Variants in OTOF observed in about 807,000 individuals in gnomAD.
The protein encoded by OTOF is fer-1-like family member 2.
OTOF carries 218 observed loss-of-function variants against 236.8 expected under a neutral mutation model. The ratio of observed to expected loss-of-function variants is 0.92; its 90% CI spans 0.82 to 1.03. The LOEUF (loss-of-function observed/expected upper bound fraction) is 1.03. Ranked by LOEUF, OTOF falls within the 50% of genes least tolerant of loss-of-function variation. The probability of loss-of-function intolerance (pLI) is 0.00; values close to 1 mark genes in which losing one functional copy is unlikely to be tolerated. For synonymous variants in OTOF, 1,041 were observed against 1,072.5 expected (o/e 0.97, Z 0.57); for missense variants, 2,590 against 2,694.4 (o/e 0.96, Z 0.86).
At chr2:26,553,427 G>C (rs955058083) in intron 1 of OTOF, among the ~76,000 whole-genome samples, 15 of 152,092 alleles carry the variant, frequency 9.9e-5, no homozygotes, top group African/African-American at 3.4e-4. Context: ...TCCTCCTCCT[G>C]CTCCTTTTCC....
At chr2:26,548,895 T>C (rs1483552422) in intron 1 of OTOF, among the ~76,000 whole-genome samples, 1 of 152,206 alleles carries the variant, frequency 6.6e-6, no homozygotes, top group African/African-American at 2.4e-5. Flanking sequence ...GATGCCTGAC[T>C]GTAAATGAGG....
At chr2:26,503,994 C>T (rs1666185542) in intron 5 of OTOF, 149 bp from the exon 6 acceptor site, 1 of 718,108 alleles carries the variant, frequency 1.4e-6, no homozygotes, top group South Asian at 1.6e-5. Flanking sequence ...AGATCGGGAT[C>T]TGTCTTCCCA....
At chr2:26,529,949 C>T (rs1666903754) in intron 2 of OTOF, among the ~76,000 whole-genome samples, 1 of 152,158 alleles carries the variant, frequency 6.6e-6, no homozygotes, top group African/African-American at 2.4e-5. Context: ...CTTCTGGATG[C>T]CTCTGGCAGC....
intron 14 of OTOF, 123 bp downstream of exon 14, chr2:26,482,283 A>C: frequency 1.1e-6 from 1 of 949,570 alleles, no homozygotes; most frequent in South Asian, 1.4e-5. Flanking sequence ...AAGGCCCTGG[A>C]AGCACCTGTG....
At position 26,480,884 on chromosome 2, in the gene OTOF, G is replaced by A; in HGVS notation, c.1705C>T (p.Leu569Phe). The A allele has an allele frequency of 6.2e-7, 1 of 1,613,030 alleles. No individual in the cohort carries two copies. Among genetic ancestry groups the A allele is most frequent in the Non-Finnish European group, 8.5e-7 (1 of 1,179,994 alleles). Residue 569 changes from leucine (L) to phenylalanine (F), a missense_variant, in exon 15 of 47, where the codon CTC becomes TTC. By Grantham distance (22) the Leu-to-Phe change is conservative (BLOSUM62 0). Transcript: ENST00000272371. ...ATCTCCACAGCCAGGCCCAGCAGGA[G>A]CCGGGCCCGGAAGGACACACCCTCC... ...LGEGVSFRAR[L>F]LLGLAVEIVD...
intron 2 of OTOF, among the ~76,000 whole-genome samples, chr2:26,536,426 C>T (rs920445242): frequency 6.6e-6 from 1 of 152,060 alleles, no homozygotes; most frequent in Admixed American, 6.6e-5. Flanking sequence ...GGGGACGTAC[C>T]AGGGAGGTCG....
At chr2:26,488,887 G>A (rs1036030731) in intron 11 of OTOF, among the ~76,000 whole-genome samples, 1 of 152,216 alleles carries the variant, frequency 6.6e-6, no homozygotes, top group Non-Finnish European at 1.5e-5. Flanking sequence ...TACCACTACT[G>A]GTCAGCCTGC....
chr2:26,458,365 C>G (rs1440706363), intron 46 of OTOF, 145 bp from the exon 47 acceptor site: 2 of 875,288 alleles, frequency 2.3e-6, no homozygotes, highest in African/African-American at 1.7e-5. Flanking sequence ...GGGTTTAAAC[C>G]CATTTCTAAG....
In OTOF at chr2:26,474,471, C is replaced by T. The variant is rs1312620912; in HGVS notation, c.3288+42G>A. Reference sequence around the variant, plus strand: ...CCAGCCCTAGGCCCCAACTCCCAGCCTCCAGTCCCCAGGCCTCAGCCCCTC... The same window carrying T: ...CCAGCCCTAGGCCCCAACTCCCAGCTTCCAGTCCCCAGGCCTCAGCCCCTC... On this transcript the variant is annotated intron_variant, in intron 26 of 46. Coordinates refer to ENST00000272371, the MANE Select transcript of OTOF (RefSeq NM_194248.3). 5.2e-6 allele frequency: 8 copies of T among 1,548,426 alleles called. No individual in the cohort carries two copies. In the Admixed American group the frequency reaches 1.5e-4, roughly 30 times the overall value.
At position 26,527,825 on chromosome 2, in the gene OTOF, C is replaced by A. The variant is rs1264410147; in HGVS notation, c.227+7G>T. ...GCCCAGCCCCTCCTGCCCCATCCCA[C>A]ACTTACTTGTTGCTGAAGACTTTGC... On this transcript the variant is annotated splice_region_variant and intron_variant, in intron 3 of 46. Coordinates refer to ENST00000272371, the MANE Select transcript of OTOF (RefSeq NM_194248.3). The A allele has an allele frequency of 2.2e-5, 36 of 1,605,142 alleles. No individual in the cohort carries two copies. Among genetic ancestry groups the A allele is most frequent in the Non-Finnish European group, 3.0e-5 (35 of 1,171,846 alleles).
chr2:26,498,692 G>A (rs754612109), intron 8 of OTOF, among the ~76,000 whole-genome samples: 30 of 152,192 alleles, frequency 2.0e-4, no homozygotes, highest in African/African-American at 6.3e-4. Flanking sequence ...ATAATGCTGA[G>A]TGGTAAATCT....
intron 13 of OTOF, among the ~76,000 whole-genome samples, chr2:26,483,073 G>A (rs192595304): frequency 1.1e-4 from 17 of 151,120 alleles, no homozygotes; most frequent in African/African-American, 2.0e-4. Context: ...GTGTGTGTGC[G>A]TGTGTGAATG....
At chr2:26,535,988 C>T (rs1375462769) in intron 2 of OTOF, among the ~76,000 whole-genome samples, 3 of 152,212 alleles carry the variant, frequency 2.0e-5, no homozygotes. Flanking sequence ...GCTGACATAT[C>T]CCCTGGGAGT....
intron 9 of OTOF, among the ~76,000 whole-genome samples, chr2:26,491,373 G>C (rs1665837336): frequency 6.6e-6 from 1 of 152,102 alleles, no homozygotes; most frequent in African/African-American, 2.4e-5. Flanking sequence ...GAGGGGTGGA[G>C]GGAAAAAGGA....
At chr2:26,555,306 C>A (rs1667558280) in intron 1 of OTOF, among the ~76,000 whole-genome samples, 1 of 152,180 alleles carries the variant, frequency 6.6e-6, no homozygotes, top group South Asian at 2.1e-4. Context: ...AGCCCTGTGG[C>A]CTGCAGGCAC....
At position 26,516,578 on chromosome 2, in the gene OTOF, G is replaced by A. The variant is rs773214630; in HGVS notation, c.349C>T (p.Arg117Trp). The change falls in exon 5 of 47, where the codon CGG becomes TGG. Residue 117 changes from arginine (R) to tryptophan (W), a missense_variant. Arg to Trp is a moderately radical substitution (Grantham distance 101). Around this residue, in one of 2 missense-constraint regions of OTOF, gnomAD observed 1,379 missense variants for 1,341.6 expected, o/e 1.03. Coordinates refer to ENST00000272371, the MANE Select transcript of OTOF (RefSeq NM_194248.3). Reference sequence around the variant, plus strand: ...ACTGTGCCGTCAGTGGCCTGATACCGGACCTCCACGCACAGGCTGGTCTGA... The same window carrying A: ...ACTGTGCCGTCAGTGGCCTGATACCAGACCTCCACGCACAGGCTGGTCTGA... ...IIKTSLCVEV[R>W]YQATDGTVGS... The A allele has an allele frequency of 3.7e-6, 6 of 1,607,954 alleles. No individual in the cohort carries two copies. Among genetic ancestry groups the A allele is most frequent in the South Asian group, 2.2e-5 (2 of 91,080 alleles).
intron 4 of OTOF, 109 bp downstream of exon 4, chr2:26,518,901 G>T: frequency 1.3e-6 from 1 of 793,934 alleles, no homozygotes; most frequent in Non-Finnish European, 2.2e-6. Flanking sequence ...GCGACACCTC[G>T]CCATGCATGA....
Position 26,461,175 on chromosome 2 carries a change from A to G in OTOF, c.5534-145T>C. ...TCATCCTCCTGCCTCACTCCCAGCA[A>G]CTGGCCTCAATGCAGGCATCCTCGT... On this transcript the variant is annotated intron_variant, in intron 43 of 46. Coordinates refer to ENST00000272371, the MANE Select transcript of OTOF (RefSeq NM_194248.3). This position sits in a 1 kb window ranked among gnomAD's most constrained non-coding sequence, Gnocchi z 6.2. 1.3e-6 allele frequency: 1 copy of G among 769,954 alleles called. No individual in the cohort carries two copies. Among genetic ancestry groups the G allele is most frequent in the South Asian group, 1.6e-5 (1 of 63,592 alleles). The allele number at this position is 769,954 out of a possible 1,614,324, so 47.7% of individuals were successfully genotyped here.
intron 1 of OTOF, among the ~76,000 whole-genome samples, chr2:26,554,462 G>C (rs1439089807): frequency 6.6e-6 from 1 of 152,162 alleles, no homozygotes; most frequent in Non-Finnish European, 1.5e-5. Context: ...TCAAAAGCTT[G>C]GGCAGCATGC....
Sources: allele counts gnomAD v4.1 joint callset (sites outside exome capture counted in the v4.1 genomes callset), GRCh38; gene constraint gnomAD v4.1.1; regional missense constraint gnomAD v4.1.1; non-coding constraint Gnocchi (gnomAD v3.1); transcripts MANE v1.5; gene names NCBI Gene and HGNC (gene_info 2026-07-23, HGNC 2026-07-21).